The following CLN3 variants were observed in gnomAD, a reference collection of about 807,000 sequenced individuals.
The protein encoded by CLN3 is battenin.
In CLN3, 49 loss-of-function variants were observed where a neutral mutation model predicts 60.7. The ratio of observed to expected loss-of-function variants is 0.81; its 90% CI spans 0.64 to 1.02. The LOEUF (loss-of-function observed/expected upper bound fraction) is 1.02, where lower values mean the gene tolerates loss of function less well. Ranked by LOEUF, CLN3 falls within the 50% of genes least tolerant of loss-of-function variation. The pLI is 0.00. For missense variants in CLN3, 516 were observed against 557.4 expected, an observed-to-expected ratio of 0.93 and a Z score of 0.75; for synonymous variants, 256 against 245.8, an observed-to-expected ratio of 1.04 and a Z score of -0.39.
chr16:28,486,962 G>A, intron 7 of CLN3: 1 of 420,310 alleles, frequency 2.4e-6, no homozygotes, highest in Non-Finnish European at 4.5e-6. Context: ...CCAGGCTGGA[G>A]TACAGTGGCG....
chr16:28,468,726 G>A, the CLN3 span, among the ~76,000 whole-genome samples: 1 of 127,964 alleles, frequency 7.8e-6, no homozygotes, highest in Non-Finnish European at 1.7e-5. Context: ...AGAATCACTT[G>A]AACCCAGGAG....
downstream of CLN3, among the ~76,000 whole-genome samples, chr16:28,470,844 G>A (rs1390438624): frequency 1.1e-4 from 14 of 127,900 alleles, no homozygotes; most frequent in African/African-American, 3.5e-4. Flanking sequence ...GCAAGGGAGC[G>A]TGAGGCTTAG....
chr16:28,480,460 C>T (rs528960422), intron 14 of CLN3, among the ~76,000 whole-genome samples: 2 of 151,846 alleles, frequency 1.3e-5, no homozygotes, highest in African/African-American at 4.8e-5. Context: ...GAGTACAGTA[C>T]TGCAATCTCG....
At chr16:28,472,330 G>A (rs562113433), downstream of CLN3, among the ~76,000 whole-genome samples, 17 of 151,552 alleles carry the variant, frequency 1.1e-4, 1 homozygote, top group East Asian at 1.6e-3. Context: ...TCAAGGTTAC[G>A]GTGAGCTATG....
rs1199072228 is a variant in CLN3 at position 28,486,457 on chromosome 16, C to G, written c.567G>C (p.Gly189=). 1 of 1,613,198 alleles carries G rather than the reference C, an allele frequency of 6.2e-7. No individual in the cohort carries two copies. Among genetic ancestry groups the G allele is most frequent in the African/African-American group, 1.3e-5 (1 of 74,902 alleles). Residue 189 remains glycine, a synonymous_variant, in exon 9 of 16, where the codon GGG becomes GGC. Coordinates refer to ENST00000636147, the MANE Select transcript of CLN3 (RefSeq NM_001042432.2). ...AVISWWSSGT[G]GAGLLGALSY... ...ACAGGGCCCCCAGCAGCCCAGCTCC[C>G]CCAGTCCCTGAGGACCACCAGGAGA... is the stretch of plus-strand genomic sequence containing the variant.
downstream of CLN3, among the ~76,000 whole-genome samples, chr16:28,473,242 C>T (rs540126675): frequency 2.0e-5 from 3 of 152,138 alleles, no homozygotes; most frequent in South Asian, 2.1e-4. Flanking sequence ...GTAGCTGGGA[C>T]TACAGGCATA....
chr16:28,489,277 G>A lies in CLN3; in HGVS notation c.222+13C>T, dbSNP rs375724216. On this transcript the variant is annotated intron_variant, in intron 4 of 15. Transcript: ENST00000636147. The stretch of plus-strand genomic sequence containing the variant: ...GGGACTAACCATGGTGGTGGTGGTA[G>A]AGAGTCACTTACATGGCTCTGGTTT... 2 of 1,591,980 alleles carry A rather than the reference G, an allele frequency of 1.3e-6. No individual in the cohort carries two copies. The highest frequency in any genetic ancestry group is 2.7e-5 in the African/African-American group (2 of 74,518).
downstream of CLN3, among the ~76,000 whole-genome samples, chr16:28,473,359 T>C (rs1407570361): frequency 6.6e-6 from 1 of 152,060 alleles, no homozygotes; most frequent in Non-Finnish European, 1.5e-5. Context: ...GCTGGGATTA[T>C]AGGCATGAGC....
downstream of CLN3, chr16:28,475,638 G>A (rs2045985358): frequency 6.6e-6 from 1 of 152,082 alleles, no homozygotes; most frequent in Non-Finnish European, 1.5e-5. Flanking sequence ...AGTCTCAGGG[G>A]GAACTTGCAT....
intron 14 of CLN3, among the ~76,000 whole-genome samples, chr16:28,480,582 A>G (rs2046073261): frequency 6.6e-6 from 1 of 151,870 alleles, no homozygotes; most frequent in South Asian, 2.1e-4. Context: ...TGCATTTTTA[A>G]TAGAGACGGG....
chr16:28,487,414 G>A (rs1250366172), intron 7 of CLN3, 42 bp downstream of exon 7: 1 of 1,503,996 alleles, frequency 6.6e-7, no homozygotes, highest in South Asian at 1.1e-5. Context: ...CTCTGATGTG[G>A]TTCCTCGGGG....
At chr16:28,490,635 C>T (rs932839540) in intron 3 of CLN3, among the ~76,000 whole-genome samples, 6 of 150,854 alleles carry the variant, frequency 4.0e-5, no homozygotes, top group Non-Finnish European at 7.4e-5. Context: ...TGGCAGGCGC[C>T]TGTAGTCTCA....
At chr16:28,489,519 C>G in intron 3 of CLN3, 133 bp from the exon 4 acceptor site, 1 of 717,982 alleles carries the variant, frequency 1.4e-6, no homozygotes, top group Non-Finnish European at 2.5e-6. Flanking sequence ...AGATCCCATC[C>G]TCATTCAATG....
intron 14 of CLN3, among the ~76,000 whole-genome samples, chr16:28,481,272 G>C (rs1172446271): frequency 6.6e-6 from 1 of 151,946 alleles, no homozygotes. Flanking sequence ...ACTGCACCTG[G>C]CTAATTTTTG....
At chr16:28,490,366 C>T (rs1054457005) in intron 3 of CLN3, 21 of 151,236 alleles carry the variant, frequency 1.4e-4, no homozygotes, top group Non-Finnish European at 2.8e-4. Flanking sequence ...ATAGCTTGAA[C>T]CTTGGAGGTG....
At chr16:28,470,832 G>T (rs1467778110), downstream of CLN3, among the ~76,000 whole-genome samples, 1 of 136,392 alleles carries the variant, frequency 7.3e-6, no homozygotes, top group Non-Finnish European at 1.6e-5. Flanking sequence ...AGGACACGCG[G>T]GGCAAGGGAG....
intron 3 of CLN3, 63 bp downstream of exon 3, chr16:28,491,419 T>C: frequency 1.9e-6 from 3 of 1,587,924 alleles, no homozygotes; most frequent in Non-Finnish European, 1.7e-6. Flanking sequence ...TTCTTCCCCC[T>C]TTCCTCCGGT....
intron 7 of CLN3, chr16:28,487,029 G>C (rs868443187): frequency 8.3e-6 from 3 of 361,882 alleles, no homozygotes; most frequent in Non-Finnish European, 5.3e-6. Context: ...TCCTGCCTCA[G>C]CCTCCCGAGT....
chr16:28,475,333 G>A (rs1372934177), downstream of CLN3: 1 of 152,264 alleles, frequency 6.6e-6, no homozygotes, highest in Non-Finnish European at 1.5e-5. Context: ...GCAAAGGTGA[G>A]AGGCAGGAGT....
Sources: gnomAD v4.1 joint callset for allele counts (sites outside exome capture counted in the v4.1 genomes callset) on GRCh38, gnomAD v4.1.1 for gene constraint, MANE v1.5 for transcripts, NCBI Gene and HGNC (gene_info 2026-07-23, HGNC 2026-07-21) for gene names.